Variants in ATRNL1 observed in about 807,000 individuals in gnomAD.
ATRNL1 encodes attractin-like protein 1.
Under a neutral mutation model 182.7 loss-of-function variants are expected in ATRNL1, and 95 were observed. The observed-to-expected ratio is 0.52, with a 90% confidence interval of 0.44 to 0.62. The LOEUF (loss-of-function observed/expected upper bound fraction) is 0.62, where lower values mean the gene tolerates loss of function less well. Ranked by LOEUF, ATRNL1 falls within the 20% of genes least tolerant of loss-of-function variation. The pLI, the probability that ATRNL1 is intolerant of heterozygous loss-of-function variation, is 0.00. For missense variants in ATRNL1, 1,471 were observed against 1,679.5 expected (o/e 0.88, Z 2.17); for synonymous variants, 576 against 568.3 (o/e 1.01, Z -0.19).
intron 21 of ATRNL1, among the ~76,000 whole-genome samples, chr10:115,434,668 A>G (rs1846318098): frequency 6.6e-6 from 1 of 152,184 alleles, no homozygotes; most frequent in African/African-American, 2.4e-5. Flanking sequence ...TGATATAAAA[A>G]TTTTATGTAA....
At chr10:115,193,364 T>G (rs1290633505) in intron 8 of ATRNL1, among the ~76,000 whole-genome samples, 1 of 152,014 alleles carries the variant, frequency 6.6e-6, no homozygotes, top group Non-Finnish European at 1.5e-5. Flanking sequence ...ACTAGGCTTT[T>G]GTTTGATGGG....
At chr10:115,206,985 A>G (rs562959370) in intron 8 of ATRNL1, among the ~76,000 whole-genome samples, 13 of 152,164 alleles carry the variant, frequency 8.5e-5, no homozygotes, top group Non-Finnish European at 1.6e-4. Flanking sequence ...GATGGTTTCC[A>G]GCTTCATCCA....
chr10:115,418,180 C>G (rs1452216621), intron 20 of ATRNL1, among the ~76,000 whole-genome samples: 1 of 151,916 alleles, frequency 6.6e-6, no homozygotes, highest in African/African-American at 2.4e-5. Context: ...GCTCAAACTT[C>G]AGTAAAATTC....
intron 27 of ATRNL1, among the ~76,000 whole-genome samples, chr10:115,781,198 A>G (rs1555079237): frequency 1.3e-5 from 2 of 152,230 alleles, no homozygotes; most frequent in African/African-American, 4.8e-5. Flanking sequence ...AAAGACAAGC[A>G]TCACCAAATC....
chr10:115,756,155 G>GTC (rs1381915893), intron 27 of ATRNL1, among the ~76,000 whole-genome samples: 3 of 151,916 alleles, frequency 2.0e-5, no homozygotes, highest in African/African-American at 7.3e-5. Context: ...GGTTTTTCCT[G>GTC]TCTCTATCTC....
Position 115,149,627 on chromosome 10 carries a change from T to C in ATRNL1, c.830-10413T>C, listed in dbSNP as rs114735190. Among the ~76,000 whole-genome samples the C allele has an allele frequency of 8.6e-3, 1,311 of 152,310 alleles. 19 individuals carry two copies. The highest frequency in any genetic ancestry group is 0.028 in the African/African-American group (1,166 of 41,566). On this transcript the variant is annotated intron_variant, in intron 5 of 28. Coordinates refer to ENST00000355044, the MANE Select transcript of ATRNL1 (RefSeq NM_207303.4). ...GTTTTTGTTCTTCATGTTGCTGATATGATAGATCACATTTATTGATTTGCA... is the reference window on the plus strand; with the variant it reads ...GTTTTTGTTCTTCATGTTGCTGATACGATAGATCACATTTATTGATTTGCA...
intron 24 of ATRNL1, among the ~76,000 whole-genome samples, chr10:115,469,968 G>C (rs1554971796): frequency 6.6e-6 from 1 of 150,402 alleles, no homozygotes; most frequent in African/African-American, 2.4e-5. Flanking sequence ...GGGATGCTGG[G>C]ATTTGTTCAT....
At chr10:115,556,819 G>A (rs532754763) in intron 26 of ATRNL1, among the ~76,000 whole-genome samples, 2 of 150,446 alleles carry the variant, frequency 1.3e-5, no homozygotes, top group South Asian at 4.2e-4. Flanking sequence ...GTAATGCAAT[G>A]GTTCTCAATC....
At chr10:115,339,049 T>C (rs1458974507) in intron 19 of ATRNL1, among the ~76,000 whole-genome samples, 1 of 152,176 alleles carries the variant, frequency 6.6e-6, no homozygotes, top group African/African-American at 2.4e-5. Flanking sequence ...TCGATTTGTT[T>C]CTGAGTTCTC....
At chr10:115,807,641 G>C (rs1949951983) in intron 27 of ATRNL1, among the ~76,000 whole-genome samples, 1 of 152,138 alleles carries the variant, frequency 6.6e-6, no homozygotes, top group Non-Finnish European at 1.5e-5. Context: ...TCAGAATGTG[G>C]TTGCCTTTTC....
chr10:115,488,135 TG>T (rs782224447), intron 24 of ATRNL1, among the ~76,000 whole-genome samples: 3 of 152,212 alleles, frequency 2.0e-5, no homozygotes, highest in Non-Finnish European at 4.4e-5. Flanking sequence ...GGTATTTTAC[TG>T]AGGATTTTTG....
intron 5 of ATRNL1, among the ~76,000 whole-genome samples, chr10:115,133,728 A>G (rs1349497268): frequency 2.0e-5 from 3 of 152,168 alleles, no homozygotes; most frequent in African/African-American, 4.8e-5. Flanking sequence ...CTCCACCCCA[A>G]TTCGACAGAA....
chr10:115,403,695 G>A (rs570351268), intron 20 of ATRNL1, among the ~76,000 whole-genome samples: 42 of 152,180 alleles, frequency 2.8e-4, no homozygotes, highest in African/African-American at 8.4e-4. Context: ...CAAGTGATCC[G>A]TCCACCTTGG....
At chr10:115,647,100 T>C (rs1859678424) in intron 26 of ATRNL1, among the ~76,000 whole-genome samples, 1 of 151,948 alleles carries the variant, frequency 6.6e-6, no homozygotes, top group Non-Finnish European at 1.5e-5. Context: ...TGATTTCAGC[T>C]TCATCCATGT....
chr10:115,175,053 T>C (rs966686317), intron 8 of ATRNL1, among the ~76,000 whole-genome samples: 31 of 151,982 alleles, frequency 2.0e-4, no homozygotes, highest in African/African-American at 7.2e-4. Context: ...ACACTTTCAA[T>C]GATCTTGACT....
At chr10:115,758,564 C>T (rs1391129401) in intron 27 of ATRNL1, among the ~76,000 whole-genome samples, 1 of 152,212 alleles carries the variant, frequency 6.6e-6, no homozygotes, top group Non-Finnish European at 1.5e-5. Context: ...TGTCTGTCGG[C>T]TCCTACTGGG....
At chr10:115,381,279 T>C (rs1487548035) in intron 19 of ATRNL1, among the ~76,000 whole-genome samples, 1 of 151,954 alleles carries the variant, frequency 6.6e-6, no homozygotes, top group African/African-American at 2.4e-5. Context: ...ATTATTACTA[T>C]TTTTTGAGAC....
intron 26 of ATRNL1, among the ~76,000 whole-genome samples, chr10:115,582,215 G>A (rs61882961): frequency 4.3e-5 from 2 of 46,118 alleles, no homozygotes; most frequent in East Asian, 7.1e-3. Context: ...ACGTGTGCAC[G>A]TGTCTTTATA....
intron 15 of ATRNL1, 27 bp downstream of exon 15, chr10:115,286,424 G>C: frequency 3.7e-6 from 5 of 1,334,134 alleles, no homozygotes; most frequent in Non-Finnish European, 5.0e-6. Context: ...TTTACATTAT[G>C]GAAATATGCT....
Sources: allele counts gnomAD v4.1 joint callset (sites outside exome capture counted in the v4.1 genomes callset), GRCh38; gene constraint gnomAD v4.1.1; transcripts MANE v1.5; gene names NCBI Gene and HGNC (gene_info 2026-07-23, HGNC 2026-07-21).